KDM2B: variants seen among roughly 807,000 people sequenced by gnomAD.
KDM2B encodes the protein lysine demethylase 2B, also known as lysine-specific demethylase 2B.
Under a neutral mutation model 150.0 loss-of-function variants are expected in KDM2B, and 26 were observed. That is an observed-to-expected ratio of 0.17 (90% CI 0.13 to 0.24). The LOEUF (loss-of-function observed/expected upper bound fraction) is 0.24. Ranked by LOEUF, KDM2B falls within the 10% of genes least tolerant of loss-of-function variation. KDM2B has a pLI of 1.00. For missense variants in KDM2B, 1,265 were observed against 1,816.9 expected (o/e 0.70, Z 5.52); for synonymous variants, 734 against 729.5 (o/e 1.01, Z -0.10).
intron 12 of KDM2B, among the ~76,000 whole-genome samples, chr12:121,463,487 G>T (rs1879399041): frequency 6.6e-6 from 1 of 152,156 alleles, no homozygotes; most frequent in Non-Finnish European, 1.5e-5. Flanking sequence ...GCTATAATTG[G>T]TAACAATGGT....
intron 12 of KDM2B, among the ~76,000 whole-genome samples, chr12:121,487,117 G>A (rs1419586773): frequency 1.3e-5 from 2 of 152,088 alleles, no homozygotes; most frequent in African/African-American, 4.8e-5. Context: ...CTCCAGCCTG[G>A]GCAACAGAGC....
chr12:121,414,891 C>T, the KDM2B span, among the ~76,000 whole-genome samples: 86 of 152,116 alleles, frequency 5.7e-4, no homozygotes, highest in African/African-American at 1.9e-3. Flanking sequence ...GTCAGGAGTT[C>T]GAGACCAGCC....
At chr12:121,547,220 G>A (rs921402784) in intron 6 of KDM2B, among the ~76,000 whole-genome samples, 1 of 151,946 alleles carries the variant, frequency 6.6e-6, no homozygotes, top group Non-Finnish European at 1.5e-5. Context: ...ATTTTGCTGC[G>A]ACTGAATCCA....
rs999772843 is a variant in KDM2B at position 121,430,264 on chromosome 12, C to T, written c.*24G>A. 32 of 1,614,040 alleles carry T rather than the reference C, an allele frequency of 2.0e-5. No individual in the cohort carries two copies. The highest frequency in any genetic ancestry group is 1.6e-4 in the Middle Eastern group (1 of 6,084). On this transcript the variant is annotated 3_prime_UTR_variant, in exon 23 of 23. Coordinates refer to ENST00000377071, the MANE Select transcript of KDM2B (RefSeq NM_032590.5). The surrounding 1 kb of genome is among the most constrained non-coding windows in gnomAD (Gnocchi z 4.4). ...GTCTCTCCCCTCCCAGAGCCCGCCC[C>T]GTATTTACATACTTATCCTTGGACT... is the stretch of plus-strand genomic sequence containing the variant.
chr12:121,423,100 T>C, the KDM2B span, among the ~76,000 whole-genome samples: 1 of 152,382 alleles, frequency 6.6e-6, no homozygotes, highest in African/African-American at 2.4e-5. The surrounding 1 kb of genome is among the most constrained non-coding windows in gnomAD (Gnocchi z 4.3). Context: ...ATCACAGATG[T>C]CTTGAATTAG....
intron 12 of KDM2B, among the ~76,000 whole-genome samples, chr12:121,461,631 G>T (rs1253383623): frequency 6.6e-6 from 1 of 152,138 alleles, no homozygotes; most frequent in Non-Finnish European, 1.5e-5. Flanking sequence ...AGCAACAGAA[G>T]AACAAGGGGG....
rs1877705178 is a variant in KDM2B at position 121,453,590 on chromosome 12, GAC to G, written c.1735-248_1735-247del. Among the ~76,000 whole-genome samples the G allele has an allele frequency of 6.6e-6, 1 of 152,152 alleles. No homozygotes were observed. On this transcript the variant is annotated intron_variant, in intron 12 of 22. Transcript: ENST00000377071. This position sits in a 1 kb window ranked among gnomAD's most constrained non-coding sequence, Gnocchi z 6.4. ...TGTCCTTACGAAAGGGGAACTTTTG[GAC>G]ACAGAGACAGACACGCACGTAGAGA...
Position 121,553,255 on chromosome 12 carries a change from C to G in KDM2B, c.398-3617G>C, listed in dbSNP as rs112732555. Among the ~76,000 whole-genome samples the G allele has an allele frequency of 4.3e-3, 648 of 151,678 alleles. 5 individuals are homozygous for G. The highest frequency in any genetic ancestry group is 0.015 in the African/African-American group (626 of 41,408). On this transcript the variant is annotated intron_variant, in intron 4 of 22. Coordinates refer to ENST00000377071, the MANE Select transcript of KDM2B (RefSeq NM_032590.5). Reference sequence around the variant, plus strand: ...CAAAAAAAAAAAAGAAAGAAAGAACCCCGGTACCCTCCCCACTCTCGCTCT... The same window carrying G: ...CAAAAAAAAAAAAGAAAGAAAGAACGCCGGTACCCTCCCCACTCTCGCTCT...
rs1887830961 is a variant in KDM2B at position 121,533,508 on chromosome 12, A to C, written c.778-549T>G. On this transcript the variant is annotated intron_variant, in intron 7 of 22. Coordinates refer to ENST00000377071, the MANE Select transcript of KDM2B (RefSeq NM_032590.5). This position sits in a 1 kb window ranked among gnomAD's most constrained non-coding sequence, Gnocchi z 4.1. ...CTCCATCAGGGACACCCACATCCCC[A>C]CGTGGACACGCAACAAAAGCAGACA... Among the ~76,000 whole-genome samples, 1 of 152,150 alleles carries C rather than the reference A, an allele frequency of 6.6e-6. No individual in the cohort carries two copies.
rs1301341051 is a variant in KDM2B at position 121,555,244 on chromosome 12, A to G, written c.398-5606T>C. Among the ~76,000 whole-genome samples, 4 of 152,256 alleles carry G rather than the reference A, an allele frequency of 2.6e-5. No individual in the cohort carries two copies. The East Asian group carries it at 5.8e-4, about 22-fold the overall frequency. ...TAAAAAATGGATACCAATTTAAAAT[A>G]ATGTTTAATCATATCATTTAGTTAT... On this transcript the variant is annotated intron_variant, in intron 4 of 22. Transcript: ENST00000377071.
intron 14 of KDM2B, 180 bp downstream of exon 14, chr12:121,445,095 C>G (rs1325509617): frequency 4.7e-6 from 3 of 639,032 alleles, no homozygotes; most frequent in Non-Finnish European, 8.0e-6. Context: ...GACACTGGGT[C>G]TCTGAGGTAC....
the KDM2B span, chr12:121,420,843 T>G: frequency 8.1e-7 from 1 of 1,241,152 alleles, no homozygotes. Context: ...ACTGGGTTGT[T>G]TTTGTCACAA....
At chr12:121,525,636 T>C (rs1555306697) in intron 8 of KDM2B, among the ~76,000 whole-genome samples, 17 of 152,016 alleles carry the variant, frequency 1.1e-4, no homozygotes. Flanking sequence ...CTAGCTGGAC[T>C]GGCTGAGCAG....
chr12:121,516,345 C>A (rs2141066663), intron 9 of KDM2B: 4 of 503,742 alleles, frequency 7.9e-6, no homozygotes, highest in South Asian at 7.4e-5. Context: ...TGTTGCTGAA[C>A]CCAATGGAAA....
At chr12:121,536,549 G>C (rs535667778) in intron 6 of KDM2B, among the ~76,000 whole-genome samples, 56 of 152,280 alleles carry the variant, frequency 3.7e-4, no homozygotes, top group Middle Eastern at 3.4e-3. Flanking sequence ...GGAAAGGGGG[G>C]GTCCTGAAGC....
At chr12:121,528,695 C>G (rs1409349224) in intron 8 of KDM2B, among the ~76,000 whole-genome samples, 1 of 152,152 alleles carries the variant, frequency 6.6e-6, no homozygotes, top group Non-Finnish European at 1.5e-5. Flanking sequence ...GAGTTTGAGA[C>G]CAGCCTGGGC....
chr12:121,443,979 C>T (rs1875668584), intron 16 of KDM2B, 33 bp downstream of exon 16: 1 of 1,578,444 alleles, frequency 6.3e-7, no homozygotes, highest in Non-Finnish European at 8.6e-7. Context: ...GCCAGACCAA[C>T]CCCTTTGCCT....
intron 4 of KDM2B, among the ~76,000 whole-genome samples, chr12:121,559,694 AG>A: frequency 6.6e-6 from 1 of 152,238 alleles, no homozygotes; most frequent in East Asian, 1.9e-4. Flanking sequence ...TGAGGTCGGG[AG>A]TTCGAGACCA....
chr12:121,467,154 C>G lies in KDM2B; in HGVS notation c.1735-13810G>C, dbSNP rs1160925105. 8.0e-6 allele frequency: 9 copies of G among 1,119,480 alleles called. No homozygotes were observed. The highest frequency in any genetic ancestry group is 7.1e-5 in the South Asian group (4 of 56,622). 69.3% of individuals were successfully genotyped at this position (1,119,480 alleles called of 1,614,324 possible). On this transcript the variant is annotated intron_variant, in intron 12 of 22. Transcript: ENST00000377071. The surrounding 1 kb of genome is among the most constrained non-coding windows in gnomAD (Gnocchi z 5.1). Reference sequence around the variant, plus strand: ...CTCCCTCAGCCCCACCCCGGGCCGCCGACCTGGTCCGGCTCCGATTCATAG... The same window carrying G: ...CTCCCTCAGCCCCACCCCGGGCCGCGGACCTGGTCCGGCTCCGATTCATAG...
Sources: allele counts gnomAD v4.1 joint callset (sites outside exome capture counted in the v4.1 genomes callset), GRCh38; gene constraint gnomAD v4.1.1; non-coding constraint Gnocchi (gnomAD v3.1); transcripts MANE v1.5; gene names NCBI Gene and HGNC (gene_info 2026-07-23, HGNC 2026-07-21).